TNS4: variants seen among roughly 807,000 people sequenced by gnomAD.
TNS4 encodes tensin-4.
TNS4 carries 46 observed loss-of-function variants against 70.4 expected under a neutral mutation model. The observed-to-expected ratio is 0.65, with a 90% CI of 0.52 to 0.84. The LOEUF is 0.84. Among genes scored for constraint, TNS4 ranks in the 40% least tolerant of loss-of-function variants. The probability of loss-of-function intolerance (pLI) is 0.00; values close to 1 mark genes in which losing one functional copy is unlikely to be tolerated. For missense variants in TNS4, 863 were observed against 907.0 expected (o/e 0.95, Z 0.62); for synonymous variants, 390 against 366.6 (o/e 1.06, Z -0.73).
chr17:40,478,115 G>A, intron 12 of TNS4, 192 bp downstream of exon 12: 1 of 704,278 alleles, frequency 1.4e-6, no homozygotes, highest in Non-Finnish European at 2.4e-6. Flanking sequence ...GGGCTCCCAG[G>A]CTCATGTCAC....
chr17:40,493,934 A>C (rs1343387267), intron 2 of TNS4, among the ~76,000 whole-genome samples: 1 of 152,284 alleles, frequency 6.6e-6, no homozygotes, highest in East Asian at 1.9e-4. Flanking sequence ...TCCTGCCAAC[A>C]GTAATTAGGC....
chr17:40,496,271 G>T lies in TNS4; in HGVS notation c.155C>A (p.Ala52Asp). The change falls in exon 2 of 13, where the codon GCC (alanine) becomes GAC (aspartate). Residue 52 changes from alanine to aspartate, a missense_variant. Physicochemically the swap from Ala to Asp is moderately radical, Grantham distance 126. Coordinates refer to ENST00000254051, the MANE Select transcript of TNS4 (RefSeq NM_032865.6). ...YYTTEGWGAQ[A>D]LMAPVPCMGP... ...CATGCAGGGCACGGGGGCCATCAGG[G>T]CCTGGGCTCCCCAGCCTTCCGTGGT... is the stretch of plus-strand genomic sequence containing the variant. The T allele has an allele frequency of 6.2e-7, 1 of 1,607,668 alleles. No homozygotes were observed. Among genetic ancestry groups the T allele is most frequent in the Non-Finnish European group, 8.5e-7 (1 of 1,177,078 alleles).
Position 40,477,448 on chromosome 17 carries a change from G to T in TNS4, c.*140C>A. The T allele has an allele frequency of 8.5e-7, 1 of 1,171,570 alleles. No homozygotes were observed. Among genetic ancestry groups the T allele is most frequent in the Non-Finnish European group, 1.2e-6 (1 of 839,986 alleles). The allele number at this position is 1,171,570 out of a possible 1,614,324, so 72.6% of individuals were successfully genotyped here. On this transcript the variant is annotated 3_prime_UTR_variant, in exon 13 of 13. Coordinates refer to ENST00000254051, the MANE Select transcript of TNS4 (RefSeq NM_032865.6). The stretch of plus-strand genomic sequence containing the variant: ...GCTGAAGGCCATAGCAGGTTCAAGG[G>T]TGTCAACTTGATGCCAATCCCCCTA...
Position 40,482,194 on chromosome 17 carries a change from G to A in TNS4, c.1607C>T (p.Ala536Val), listed in dbSNP as rs774693866. Residue 536 changes from alanine (A) to valine (V), a missense_variant, in exon 8 of 13, where the codon GCC (alanine) becomes GTC (valine). Coordinates refer to ENST00000254051, the MANE Select transcript of TNS4 (RefSeq NM_032865.6). ...DEEPYFGSLSAFVCQHSIMAL... is the reference protein window; with the variant it reads ...DEEPYFGSLSVFVCQHSIMAL... ...CATGATGGAATGCTGGCACACGAAG[G>A]CAGAGAGGCTCCCTGAAAGGAAGCA... 6.2e-7 allele frequency: 1 copy of A among 1,614,226 alleles called. No individual in the cohort carries two copies. The highest frequency in any genetic ancestry group is 1.7e-5 in the Admixed American group (1 of 60,024).
At chr17:40,488,514 G>C (rs776694819) in intron 3 of TNS4, 32 bp downstream of exon 3, 4 of 1,488,296 alleles carry the variant, frequency 2.7e-6, no homozygotes, top group South Asian at 2.9e-5. Context: ...GCCTGTGTGT[G>C]TGTGTGCAAT....
At chr17:40,479,382 G>A (rs1212850126) in intron 10 of TNS4, among the ~76,000 whole-genome samples, 1 of 152,074 alleles carries the variant, frequency 6.6e-6, no homozygotes, top group East Asian at 1.9e-4. Context: ...CCTGACCTCA[G>A]GTGATCCGCC....
At position 40,479,805 on chromosome 17, in the gene TNS4, C is replaced by T; in HGVS notation, c.1779G>A (p.Glu593=). ...HTLYLSSVSV[E]TLTGALAVQK... ...GCACGGCCAGGGCTCCAGTCAGGGT[C>T]TCCACGCTCACTGAGCTCAGGTACA... is the stretch of plus-strand genomic sequence containing the variant. The change falls in exon 10 of 13, where the codon GAG becomes GAA. Residue 593 remains glutamate (E), a synonymous_variant. Transcript: ENST00000254051. 6.2e-7 allele frequency: 1 copy of T among 1,613,760 alleles called. No individual in the cohort carries two copies. The highest frequency in any genetic ancestry group is 8.5e-7 in the Non-Finnish European group (1 of 1,179,944).
chr17:40,481,484 C>G (rs1382581567), intron 8 of TNS4, among the ~76,000 whole-genome samples: 1 of 152,190 alleles, frequency 6.6e-6, no homozygotes, highest in Non-Finnish European at 1.5e-5. Flanking sequence ...CCTGCCTCAG[C>G]CTCCTGAGTA....
Position 40,487,468 on chromosome 17 carries a change from G to A in TNS4, c.864-8C>T, listed in dbSNP as rs556863210. The A allele has an allele frequency of 9.4e-6, 15 of 1,594,980 alleles. No individual in the cohort carries two copies. Among genetic ancestry groups the A allele is most frequent in the Middle Eastern group, 1.7e-4 (1 of 5,972 alleles). Reference sequence around the variant, plus strand: ...TGCAGGAGGGACTGGCTGCTGCAGCGGGAGAGAGTCAGACAGGGTGTTAGG... The same window carrying A: ...TGCAGGAGGGACTGGCTGCTGCAGCAGGAGAGAGTCAGACAGGGTGTTAGG... On this transcript the variant is annotated splice_polypyrimidine_tract_variant and splice_region_variant and intron_variant, in intron 3 of 12. Coordinates refer to ENST00000254051, the MANE Select transcript of TNS4 (RefSeq NM_032865.6).
rs1034757030 is a variant in TNS4 at position 40,493,468 on chromosome 17, G to A, written c.439+2519C>T. On this transcript the variant is annotated intron_variant, in intron 2 of 12. Coordinates refer to ENST00000254051, the MANE Select transcript of TNS4 (RefSeq NM_032865.6). Reference sequence around the variant, plus strand: ...GTAGGGTCTGCGGGGAGGATTTTGGGTGCAGGTGTCTGCTGTTCTTAGTGA... The same window carrying A: ...GTAGGGTCTGCGGGGAGGATTTTGGATGCAGGTGTCTGCTGTTCTTAGTGA... Among the ~76,000 whole-genome samples the A allele has an allele frequency of 3.3e-5, 5 of 152,204 alleles. No homozygotes were observed. The South Asian group carries it at 6.2e-4, about 19-fold the overall frequency.
chr17:40,487,857 G>A (rs1365889885), intron 3 of TNS4, among the ~76,000 whole-genome samples: 9 of 152,202 alleles, frequency 5.9e-5, no homozygotes, highest in Admixed American at 5.2e-4. Context: ...CACCGTGGCT[G>A]ATGCAGAGGG....
At chr17:40,478,149 G>T in intron 12 of TNS4, 158 bp downstream of exon 12, 1 of 913,080 alleles carries the variant, frequency 1.1e-6, no homozygotes, top group South Asian at 1.5e-5. Flanking sequence ...GAGGCTCTGA[G>T]GGCAGTCAAA....
At position 40,496,096 on chromosome 17, in the gene TNS4, C is replaced by A; in HGVS notation, c.330G>T (p.Leu110=). 6.2e-7 allele frequency: 1 copy of A among 1,612,308 alleles called. No homozygotes were observed. The highest frequency in any genetic ancestry group is 8.5e-7 in the Non-Finnish European group (1 of 1,179,344). Residue 110 remains leucine, a synonymous_variant, in exon 2 of 13, where the codon CTG becomes CTT. Transcript: ENST00000254051. ...FSLESLNQMI[L]ELDPTFQLLP... is the part of the protein sequence containing the mutation. Reference sequence around the variant, plus strand: ...GCAGCTGGAAGGTGGGGTCCAGTTCCAGGATCATCTGATTGAGGCTCTCCA... The same window carrying A: ...GCAGCTGGAAGGTGGGGTCCAGTTCAAGGATCATCTGATTGAGGCTCTCCA...
chr17:40,482,500 T>C, intron 6 of TNS4, 84 bp from the exon 7 acceptor site: 4 of 1,340,728 alleles, frequency 3.0e-6, no homozygotes, highest in Admixed American at 1.8e-5. Flanking sequence ...TCCCAGCACT[T>C]TGGGAGGCCG....
chr17:40,478,782 G>T, intron 10 of TNS4, 134 bp from the exon 11 acceptor site: 5 of 951,534 alleles, frequency 5.3e-6, no homozygotes, highest in Non-Finnish European at 7.9e-6. Flanking sequence ...CTTGAAGACC[G>T]CTATGGCCTT....
At chr17:40,485,405 A>T (rs1398586073) in intron 4 of TNS4, among the ~76,000 whole-genome samples, 1 of 152,250 alleles carries the variant, frequency 6.6e-6, no homozygotes, top group Non-Finnish European at 1.5e-5. Context: ...AATCCTAAGA[A>T]TTCCTTACGG....
rs1478827904 is a variant in TNS4, at chr17:40,477,412, T to G, written c.*176A>C. 2.8e-6 allele frequency: 2 copies of G among 723,686 alleles called. No individual in the cohort carries two copies. The highest frequency in any genetic ancestry group is 1.8e-5 in the African/African-American group (1 of 55,710). 44.8% of individuals were successfully genotyped at this position (723,686 alleles called of 1,614,324 possible). On this transcript the variant is annotated 3_prime_UTR_variant, in exon 13 of 13. Coordinates refer to ENST00000254051, the MANE Select transcript of TNS4 (RefSeq NM_032865.6). The stretch of plus-strand genomic sequence containing the variant: ...GAAACTGAGGCCCGGGGGGTCTGGA[T>G]GATGGTGACTGCTGAAGGCCATAGC...
intron 2 of TNS4, among the ~76,000 whole-genome samples, chr17:40,493,453 C>T (rs761347368): frequency 4.6e-5 from 7 of 152,076 alleles, no homozygotes; most frequent in South Asian, 2.1e-4. Context: ...GTAGGGTCTG[C>T]GGGGAGGATT....
At chr17:40,478,818 G>T (rs972502524) in intron 10 of TNS4, among the ~76,000 whole-genome samples, 170 bp from the exon 11 acceptor site, 2 of 152,140 alleles carry the variant, frequency 1.3e-5, no homozygotes, top group African/African-American at 4.8e-5. Flanking sequence ...CTGGCGCCCC[G>T]CTCCTGCCTC....
Sources: gnomAD v4.1 joint callset for allele counts (sites outside exome capture counted in the v4.1 genomes callset) on GRCh38, gnomAD v4.1.1 for gene constraint, MANE v1.5 for transcripts, NCBI Gene and HGNC (gene_info 2026-07-23, HGNC 2026-07-21) for gene names.